Variants in SUMF1 observed in about 807,000 individuals in gnomAD.
SUMF1 encodes the protein sulfatase modifying factor 1.
Under a neutral mutation model 47.6 loss-of-function variants are expected in SUMF1, and 48 were observed. The ratio of observed to expected loss-of-function variants is 1.01; its 90% CI spans 0.80 to 1.28. SUMF1 has a LOEUF of 1.28. Among genes scored for constraint, SUMF1 ranks in the 50% most tolerant of loss-of-function variants. SUMF1 has a pLI of 0.00. For missense variants in SUMF1, 571 were observed against 485.4 expected (o/e 1.18, Z -1.66); for synonymous variants, 230 against 192.1 (o/e 1.20, Z -1.63).
rs1328512212 is a variant in SUMF1, at chr3:4,065,088, A to G, written c.1191+3481T>C. 2.6e-5 allele frequency among the ~76,000 whole-genome samples: 4 copies of G among 152,184 alleles called. No homozygotes were observed. The East Asian group carries it at 5.8e-4, about 22-fold the overall frequency. On this transcript the variant is annotated intron_variant and NMD_transcript_variant, in intron 9 of 12. Coordinates refer to the SUMF1 transcript ENST00000448413. ...TCTGATTTATGGTATGTAAAGTTCT[A>G]CAGCAGAAGGAAAATCAACTCCTGT...
At chr3:4,435,465 G>A (rs150537854) in intron 3 of SUMF1, among the ~76,000 whole-genome samples, 5 of 152,040 alleles carry the variant, frequency 3.3e-5, no homozygotes, top group African/African-American at 1.2e-4. Flanking sequence ...AGAGAGGAGA[G>A]ATTGGTGTTT....
At chr3:4,319,989 G>A (rs1006446337) in intron 8 of SUMF1, among the ~76,000 whole-genome samples, 8 of 152,182 alleles carry the variant, frequency 5.3e-5, no homozygotes, top group African/African-American at 1.7e-4. Flanking sequence ...GGTTGCCAGA[G>A]TTTGAGGAGA....
intron 8 of SUMF1, among the ~76,000 whole-genome samples, chr3:4,190,935 A>G (rs927805358): frequency 3.3e-5 from 5 of 152,144 alleles, no homozygotes; most frequent in African/African-American, 9.7e-5. Flanking sequence ...GGTTCCTGCT[A>G]TTGAGGAGTG....
chr3:4,413,044 ACCCAGACT>A (rs1443043187), intron 6 of SUMF1, among the ~76,000 whole-genome samples: 1 of 151,878 alleles, frequency 6.6e-6, no homozygotes, highest in Non-Finnish European at 1.5e-5. Flanking sequence ...TTGCTCTGTC[ACCCAGACT>A]GGAGTACAGT....
At chr3:4,244,149 G>A (rs1696607095) in intron 8 of SUMF1, among the ~76,000 whole-genome samples, 6 of 152,110 alleles carry the variant, frequency 3.9e-5, no homozygotes, top group Admixed American at 3.3e-4. Context: ...TTGAGCCTAT[G>A]TGTGTCTTTG....
At position 4,071,185 on chromosome 3, in the gene SUMF1, G is replaced by A. The variant is rs576135163; in HGVS notation, c.1015-2440C>T. ...AACTGGCATTAGGAGGTGCTTCCAC[G>A]ATGGCTGAATAGGAACAGCTCCAGT... On this transcript the variant is annotated intron_variant and NMD_transcript_variant, in intron 8 of 12. Coordinates refer to the SUMF1 transcript ENST00000448413. Among the ~76,000 whole-genome samples, 9 of 152,112 alleles carry A rather than the reference G, an allele frequency of 5.9e-5. No homozygotes were observed. The East Asian group carries it at 1.7e-3, about 29-fold the overall frequency.
At chr3:4,154,616 C>CA (rs35110463) in intron 8 of SUMF1, among the ~76,000 whole-genome samples, 53,543 of 151,144 alleles carry the variant, frequency 0.35, 10,035 homozygotes, top group East Asian at 0.4. Flanking sequence ...TTCAACCTCT[C>CA]GTTGATCTGT....
intron 8 of SUMF1, among the ~76,000 whole-genome samples, chr3:4,270,962 T>A (rs924890258): frequency 6.6e-6 from 1 of 152,210 alleles, no homozygotes; most frequent in East Asian, 1.9e-4. Context: ...GTATGCTATT[T>A]GTGAAGGCAA....
At chr3:4,385,578 C>T (rs887500585) in intron 7 of SUMF1, among the ~76,000 whole-genome samples, 1 of 152,086 alleles carries the variant, frequency 6.6e-6, no homozygotes, top group Admixed American at 6.6e-5. Flanking sequence ...CTGTAGCCTG[C>T]CTTTATATCC....
intron 8 of SUMF1, among the ~76,000 whole-genome samples, chr3:4,248,062 T>C (rs1256193364): frequency 6.6e-6 from 1 of 152,254 alleles, no homozygotes; most frequent in Non-Finnish European, 1.5e-5. Flanking sequence ...GATGGCATTA[T>C]CATGGCTTTT....
chr3:4,453,133 A>G, intron 1 of SUMF1, 84 bp from the exon 2 acceptor site: 2 of 1,397,406 alleles, frequency 1.4e-6, no homozygotes, highest in Non-Finnish European at 2.0e-6. Context: ...GCACCCAGGA[A>G]GCACGCAAGT....
chr3:4,316,802 G>A (rs1459912115), intron 8 of SUMF1: 1 of 1,550,736 alleles, frequency 6.4e-7, no homozygotes, highest in East Asian at 2.4e-5. Flanking sequence ...CTATTTGGTG[G>A]TCTGCTGCTG....
rs761861197 is a variant in SUMF1 at position 4,362,093 on chromosome 3, T to A, written c.*51A>T. Reference sequence around the variant, plus strand: ...GTTCAAAGTTCTGAGAAAAGCCCAATGTAGGTCAGACACGACTGCTCCTTG... The same window carrying A: ...GTTCAAAGTTCTGAGAAAAGCCCAAAGTAGGTCAGACACGACTGCTCCTTG... On this transcript the variant is annotated 3_prime_UTR_variant, in exon 9 of 9. Transcript: ENST00000272902. The A allele has an allele frequency of 2.6e-6, 4 of 1,546,798 alleles. No homozygotes were observed. In the South Asian group the frequency reaches 4.5e-5, roughly 17 times the overall value.
chr3:4,219,918 A>G (rs1364513302), intron 8 of SUMF1, among the ~76,000 whole-genome samples: 3 of 152,134 alleles, frequency 2.0e-5, no homozygotes, highest in African/African-American at 7.2e-5. Flanking sequence ...GACTAGAATC[A>G]CCAAAGGGTT....
rs888984371 is a variant in SUMF1, at chr3:4,221,874, A to G, written c.1015-153129T>C. ...GGGATGTATATATACTCAAATGTTA[A>G]TAGTAATAATTGCTGGGGGGTAGAA... is the stretch of plus-strand genomic sequence containing the variant. On this transcript the variant is annotated intron_variant and NMD_transcript_variant, in intron 8 of 12. Transcript: ENST00000448413. 2.0e-5 allele frequency among the ~76,000 whole-genome samples: 3 copies of G among 152,148 alleles called. 1 individual carries two copies. The highest frequency in any genetic ancestry group is 7.2e-5 in the African/African-American group (3 of 41,446).
At chr3:4,449,437 G>C in intron 2 of SUMF1, 97 bp from the exon 3 acceptor site, 1 of 1,239,974 alleles carries the variant, frequency 8.1e-7, no homozygotes, top group Admixed American at 1.7e-5. Flanking sequence ...GATTCCTCTT[G>C]TCCAATTGAA....
intron 8 of SUMF1, among the ~76,000 whole-genome samples, chr3:4,083,324 C>T (rs1692606399): frequency 6.6e-6 from 1 of 152,112 alleles, no homozygotes; most frequent in Non-Finnish European, 1.5e-5. Flanking sequence ...ACACACGTTA[C>T]TAAAAATCAC....
chr3:4,374,787 G>A (rs540753352), intron 8 of SUMF1, among the ~76,000 whole-genome samples: 18 of 152,250 alleles, frequency 1.2e-4, no homozygotes, highest in Admixed American at 3.9e-4. Flanking sequence ...GAAGCAATCT[G>A]GGATTAAAGA....
chr3:4,105,209 C>G (rs56993797), intron 8 of SUMF1, among the ~76,000 whole-genome samples: 17,905 of 151,978 alleles, frequency 0.12, 2,133 homozygotes, highest in African/African-American at 0.29. Flanking sequence ...GCACAGAATG[C>G]TGGTTTCCAG....
Sources: allele counts gnomAD v4.1 joint callset (sites outside exome capture counted in the v4.1 genomes callset), GRCh38; gene constraint gnomAD v4.1.1; transcripts MANE v1.5; gene names NCBI Gene and HGNC (gene_info 2026-07-23, HGNC 2026-07-21).